The following ITIH5 variants were observed in gnomAD, a reference collection of about 807,000 sequenced individuals.
The protein encoded by ITIH5 is inter-alpha-trypsin inhibitor heavy chain H5.
In ITIH5, 65 loss-of-function variants were observed where a neutral mutation model predicts 77.5. The observed-to-expected ratio is 0.84, with a 90% CI of 0.69 to 1.03. ITIH5 has a LOEUF of 1.03. ITIH5 is among the 50% of genes least tolerant of loss of function. ITIH5 has a pLI of 0.00. For synonymous variants in ITIH5, 525 were observed against 494.3 expected (o/e 1.06, Z -0.82); for missense variants, 1,208 against 1,213.1 (o/e 1.00, Z 0.06).
At chr10:7,596,023 A>C (rs1312746938) in intron 7 of ITIH5, among the ~76,000 whole-genome samples, 1 of 152,210 alleles carries the variant, frequency 6.6e-6, no homozygotes, top group Non-Finnish European at 1.5e-5. Flanking sequence ...ATAAATAAAT[A>C]AATAAACAAA....
At chr10:7,598,970 C>T (rs922549303) in intron 7 of ITIH5, among the ~76,000 whole-genome samples, 2 of 152,196 alleles carry the variant, frequency 1.3e-5, no homozygotes, top group East Asian at 1.9e-4. Context: ...TCTTAACCCT[C>T]TGCTTATGTT....
Position 7,654,558 on chromosome 10 carries a change from G to A in ITIH5, c.135+1073C>T, listed in dbSNP as rs550681059. Among the ~76,000 whole-genome samples, 248 of 152,328 alleles carry A rather than the reference G, an allele frequency of 1.6e-3. 3 individuals are homozygous for A. Among genetic ancestry groups the A allele is most frequent in the African/African-American group, 5.1e-3 (213 of 41,570 alleles). ...TTAGTGCTCATTATTAAAGAGTCGC[G>A]TTCCCTAAGTTAAGGGCTCCTTTCA... On this transcript the variant is annotated intron_variant, in intron 2 of 13. Coordinates refer to ENST00000397146, the MANE Select transcript of ITIH5 (RefSeq NM_030569.7).
At chr10:7,583,338 T>C (rs1832606019) in intron 8 of ITIH5, among the ~76,000 whole-genome samples, 1 of 152,132 alleles carries the variant, frequency 6.6e-6, no homozygotes, top group South Asian at 2.1e-4. Context: ...CTTTCTTTTG[T>C]TTGTTTGTTT....
At chr10:7,623,789 T>C (rs565284789) in intron 5 of ITIH5, among the ~76,000 whole-genome samples, 128 of 98,292 alleles carry the variant, frequency 1.3e-3, no homozygotes, top group South Asian at 0.012. Flanking sequence ...GGCGACAGAG[T>C]AAGACTCCAT....
At chr10:7,648,740 G>T (rs1017743264) in intron 2 of ITIH5, among the ~76,000 whole-genome samples, 1 of 152,090 alleles carries the variant, frequency 6.6e-6, no homozygotes, top group Non-Finnish European at 1.5e-5. Context: ...TATGAGATAA[G>T]AAATAATTTC....
At chr10:7,564,514 TTGCCTGCAGTAG>T (rs1357354044) in intron 13 of ITIH5, among the ~76,000 whole-genome samples, 3 of 152,068 alleles carry the variant, frequency 2.0e-5, no homozygotes, top group Non-Finnish European at 4.4e-5. Flanking sequence ...CGTGTTGCAA[TTGCCTGCAGTAG>T]TCCATGCAGT....
intron 13 of ITIH5, among the ~76,000 whole-genome samples, chr10:7,565,087 C>T (rs62651612): frequency 2.3e-3 from 132 of 58,504 alleles, no homozygotes; most frequent in South Asian, 5.0e-3. Flanking sequence ...TATATATACA[C>T]ACACACACAC....
At chr10:7,619,663 A>G in intron 5 of ITIH5, 1 of 290,712 alleles carries the variant, frequency 3.4e-6, no homozygotes, top group South Asian at 2.9e-5. Context: ...ACAAGGCGGC[A>G]GGAGCGAGAG....
intron 7 of ITIH5, among the ~76,000 whole-genome samples, chr10:7,605,215 C>T (rs918349171): frequency 1.1e-4 from 16 of 151,682 alleles, no homozygotes; most frequent in African/African-American, 3.9e-4. Context: ...CCTGCCTCCA[C>T]GCTTTGCACA....
At position 7,639,645 on chromosome 10, in the gene ITIH5, C is replaced by G. The variant is rs114413157; in HGVS notation, c.401+1109G>C. Among the ~76,000 whole-genome samples the G allele has an allele frequency of 9.8e-3, 1,493 of 152,178 alleles. 22 individuals carry two copies. Among genetic ancestry groups the G allele is most frequent in the African/African-American group, 0.034 (1,418 of 41,490 alleles). ...TCTAGATACAAAGATCATTTTTCTG[C>G]CAAGGGGATGAAGGCCTACACATTG... On this transcript the variant is annotated intron_variant, in intron 4 of 13. Transcript: ENST00000397146.
chr10:7,602,592 C>T (rs1047396159), intron 7 of ITIH5, among the ~76,000 whole-genome samples: 1 of 152,168 alleles, frequency 6.6e-6, no homozygotes, highest in Non-Finnish European at 1.5e-5. Flanking sequence ...CCTTTGCCTT[C>T]TGCCATGATA....
intron 5 of ITIH5, among the ~76,000 whole-genome samples, chr10:7,628,186 T>C (rs1180280309): frequency 1.3e-5 from 2 of 152,134 alleles, no homozygotes; most frequent in Non-Finnish European, 2.9e-5. Flanking sequence ...ATTTAGTACA[T>C]CCACAATGTT....
Position 7,559,787 on chromosome 10 carries a change from C to A in ITIH5, c.*3296G>T. On this transcript the variant is annotated 3_prime_UTR_variant, in exon 14 of 14. Transcript: ENST00000397146. Reference sequence around the variant, plus strand: ...GCCGTCTTCCTGGCTTGCAGGTGGCCATCTTCTCATCGTATCCCCAGGTGG... The same window carrying A: ...GCCGTCTTCCTGGCTTGCAGGTGGCAATCTTCTCATCGTATCCCCAGGTGG... 2.2e-6 allele frequency: 1 copy of A among 455,118 alleles called. No homozygotes were observed. The highest frequency in any genetic ancestry group is 1.6e-5 in the South Asian group (1 of 64,264). 28.2% of individuals were successfully genotyped at this position (455,118 alleles called of 1,614,324 possible).
chr10:7,617,187 C>T lies in ITIH5; in HGVS notation c.748G>A (p.Ala250Thr), dbSNP rs1403955984. ...KPTVVQQARI[A>T]QNGILGDFII... ...AAGTCTCCCAAAATTCCATTCTGGGCAATCCTGGCTTGTTGTACTACAGTA... is the reference window on the plus strand; with the variant it reads ...AAGTCTCCCAAAATTCCATTCTGGGTAATCCTGGCTTGTTGTACTACAGTA... The change falls in exon 6 of 14, where the codon GCC (alanine) becomes ACC (threonine). Residue 250 changes from alanine (A) to threonine (T), a missense_variant. By Grantham distance (58) the Ala-to-Thr change is moderately conservative. Coordinates refer to ENST00000397146, the MANE Select transcript of ITIH5 (RefSeq NM_030569.7). The T allele has an allele frequency of 3.7e-6, 6 of 1,607,108 alleles. No individual in the cohort carries two copies. Among genetic ancestry groups the T allele is most frequent in the Non-Finnish European group, 3.4e-6 (4 of 1,177,106 alleles).
intron 8 of ITIH5, among the ~76,000 whole-genome samples, chr10:7,585,094 G>C (rs1250800287): frequency 6.6e-6 from 1 of 152,198 alleles, no homozygotes; most frequent in East Asian, 1.9e-4. Context: ...AACTGAAGTG[G>C]AATTAACCAG....
intron 8 of ITIH5, among the ~76,000 whole-genome samples, chr10:7,580,981 C>G (rs946395008): frequency 6.6e-6 from 1 of 152,034 alleles, no homozygotes; most frequent in Admixed American, 6.6e-5. Flanking sequence ...GGAGGCCAGC[C>G]AGGCACGGTG....
At chr10:7,611,862 A>G (rs1833251081) in intron 7 of ITIH5, among the ~76,000 whole-genome samples, 1 of 150,628 alleles carries the variant, frequency 6.6e-6, no homozygotes, top group Non-Finnish European at 1.5e-5. Context: ...TACTGCTTTT[A>G]GGCTTAGAAA....
chr10:7,576,856 G>A lies in ITIH5; in HGVS notation c.1575C>T (p.His525=), dbSNP rs374274285. ...TGCTGGCGGTGACCTCCACGTGCAGGTGATCCAGCTTCCTGTCCACCAGCT... is the reference window on the plus strand; with the variant it reads ...TGCTGGCGGTGACCTCCACGTGCAGATGATCCAGCTTCCTGTCCACCAGCT... ...AGKLVDRKLD[H]LHVEVTASNS... The change falls in exon 10 of 14, where the codon CAC becomes CAT. Residue 525 remains histidine (H), a synonymous_variant. Coordinates refer to ENST00000397146, the MANE Select transcript of ITIH5 (RefSeq NM_030569.7). 1 of 1,614,170 alleles carries A rather than the reference G, an allele frequency of 6.2e-7. No homozygotes were observed. The highest frequency in any genetic ancestry group is 1.1e-5 in the South Asian group (1 of 91,072).
chr10:7,639,100 C>T (rs1478711517), intron 4 of ITIH5, among the ~76,000 whole-genome samples: 1 of 152,142 alleles, frequency 6.6e-6, no homozygotes, highest in Non-Finnish European at 1.5e-5. Flanking sequence ...GTGATAAAGA[C>T]CACTTGGGAT....
Sources: allele counts gnomAD v4.1 joint callset (sites outside exome capture counted in the v4.1 genomes callset), GRCh38; gene constraint gnomAD v4.1.1; transcripts MANE v1.5; gene names NCBI Gene and HGNC (gene_info 2026-07-23, HGNC 2026-07-21).